The following PDE4D variants were observed in gnomAD, a reference collection of about 807,000 sequenced individuals.
PDE4D encodes the protein 3',5'-cyclic-AMP phosphodiesterase 4D.
PDE4D carries 24 observed loss-of-function variants against 87.4 expected under a neutral mutation model. That is an observed-to-expected ratio of 0.27 (90% CI 0.20 to 0.39). PDE4D has a LOEUF of 0.39. PDE4D is among the 10% of genes least tolerant of loss of function. PDE4D has a pLI of 1.00. For missense variants in PDE4D, 714 were observed against 1,041.0 expected (o/e 0.69, Z 4.32); for synonymous variants, 384 against 383.2 (o/e 1.00, Z -0.02).
At chr5:59,891,787 T>TCACACACACACACA (rs55796463) in intron 1 of PDE4D, among the ~76,000 whole-genome samples, 4 of 150,376 alleles carry the variant, frequency 2.7e-5, no homozygotes, top group East Asian at 2.0e-4. Flanking sequence ...AGAGACATGC[T>TCACACACACACACA]CACACACACA....
intron 1 of PDE4D, among the ~76,000 whole-genome samples, chr5:59,624,879 C>A (rs1049975908): frequency 6.6e-6 from 1 of 152,114 alleles, no homozygotes; most frequent in Admixed American, 6.6e-5. Flanking sequence ...CATTTAAATA[C>A]AAGATGATCA....
chr5:59,838,621 T>C (rs879556834), intron 1 of PDE4D, among the ~76,000 whole-genome samples: 2 of 152,098 alleles, frequency 1.3e-5, no homozygotes, highest in Non-Finnish European at 2.9e-5. Context: ...ACACTTTTTT[T>C]CCATGACCCT....
At chr5:59,551,990 C>T (rs933882017) in intron 1 of PDE4D, among the ~76,000 whole-genome samples, 5 of 152,088 alleles carry the variant, frequency 3.3e-5, no homozygotes, top group Admixed American at 1.3e-4. Flanking sequence ...TCAACACAGG[C>T]GGATTGCTTG....
chr5:59,567,879 T>A (rs1387495167), intron 1 of PDE4D, among the ~76,000 whole-genome samples: 1 of 152,194 alleles, frequency 6.6e-6, no homozygotes, highest in Non-Finnish European at 1.5e-5. Context: ...CTATCTATCA[T>A]CTATCTATTT....
chr5:60,148,014 C>T, intron 2 of PDE4D: 1 of 248,290 alleles, frequency 4.0e-6, no homozygotes, highest in Non-Finnish European at 8.3e-6. Flanking sequence ...AAGGAGATGA[C>T]CCAAAAATCT....
At chr5:59,702,420 C>G (rs1752714973) in intron 1 of PDE4D, among the ~76,000 whole-genome samples, 1 of 152,134 alleles carries the variant, frequency 6.6e-6, no homozygotes, top group Admixed American at 6.5e-5. Context: ...GCCACTGCGC[C>G]TGGCCAATTA....
intron 1 of PDE4D, among the ~76,000 whole-genome samples, chr5:59,628,198 ACACCCAATAC>A (rs1831130292): frequency 6.6e-6 from 1 of 152,220 alleles, no homozygotes; most frequent in Admixed American, 6.5e-5. Context: ...TGCTTGCAAT[ACACCCAATAC>A]ACCTGGTACC....
chr5:60,307,924 C>G (rs1754651493), intron 1 of PDE4D, among the ~76,000 whole-genome samples: 1 of 152,060 alleles, frequency 6.6e-6, no homozygotes, highest in African/African-American at 2.4e-5. Context: ...ACCTGTAATC[C>G]AAGCTACTCG....
chr5:60,047,733 T>C (rs951817360), intron 2 of PDE4D, among the ~76,000 whole-genome samples: 2 of 152,136 alleles, frequency 1.3e-5, no homozygotes, highest in Non-Finnish European at 2.9e-5. Context: ...GTCTGAGAGA[T>C]AGTTTGTTAT....
At chr5:59,892,896 C>CCACACACACACA (rs70975348) in intron 1 of PDE4D, among the ~76,000 whole-genome samples, 25 of 143,974 alleles carry the variant, frequency 1.7e-4, no homozygotes, top group East Asian at 4.2e-4. Flanking sequence ...AGCGCGCGCA[C>CCACACACACACA]CACACACACA....
intron 1 of PDE4D, among the ~76,000 whole-genome samples, chr5:59,865,826 G>C (rs576649006): frequency 1.3e-5 from 2 of 152,260 alleles, no homozygotes; most frequent in African/African-American, 4.8e-5. Flanking sequence ...TATTACCACT[G>C]ATGAGGAAAC....
intron 1 of PDE4D, among the ~76,000 whole-genome samples, chr5:59,559,620 A>G (rs1162219093): frequency 6.6e-6 from 1 of 152,162 alleles, no homozygotes; most frequent in Non-Finnish European, 1.5e-5. Context: ...TATAACCTCA[A>G]AAGTCAGCTA....
chr5:60,315,444 G>C (rs57515063), intron 1 of PDE4D, among the ~76,000 whole-genome samples: 9,186 of 152,030 alleles, frequency 0.06, 913 homozygotes, highest in African/African-American at 0.21. Context: ...GTTGCCTGTT[G>C]ACTCTGATGG....
At chr5:60,328,351 C>T (rs1756993349) in intron 1 of PDE4D, among the ~76,000 whole-genome samples, 1 of 152,114 alleles carries the variant, frequency 6.6e-6, no homozygotes, top group Non-Finnish European at 1.5e-5. Context: ...TTATTATCTC[C>T]CAAATGGCAA....
chr5:59,979,283 G>A (rs1761660249), intron 3 of PDE4D, among the ~76,000 whole-genome samples: 1 of 151,792 alleles, frequency 6.6e-6, no homozygotes, highest in Admixed American at 6.6e-5. Flanking sequence ...GTTCTAGAAA[G>A]TGAATGGTAA....
intron 1 of PDE4D, among the ~76,000 whole-genome samples, chr5:59,479,064 T>C (rs551304040): frequency 6.6e-6 from 1 of 152,214 alleles, no homozygotes; most frequent in Admixed American, 6.6e-5. Context: ...CAAAAAAGCA[T>C]TGTTAACATG....
chr5:59,472,532 T>C (rs183696059), intron 1 of PDE4D, among the ~76,000 whole-genome samples: 2 of 152,314 alleles, frequency 1.3e-5, no homozygotes, highest in Admixed American at 1.3e-4. Context: ...CCTATCCATG[T>C]CATTCATCTC....
intron 6 of PDE4D, among the ~76,000 whole-genome samples, chr5:58,996,931 T>C (rs1430048663): frequency 2.0e-5 from 3 of 152,132 alleles, no homozygotes; most frequent in Admixed American, 1.3e-4. Context: ...CCCAGAGTAC[T>C]TTCCAGCCTT....
At chr5:60,390,452 C>G (rs1322968402) in intron 1 of PDE4D, among the ~76,000 whole-genome samples, 3 of 152,198 alleles carry the variant, frequency 2.0e-5, no homozygotes, top group African/African-American at 7.2e-5. Flanking sequence ...AAGAGGTATT[C>G]AACATTCAAG....
Sources: gnomAD v4.1 joint callset for allele counts (sites outside exome capture counted in the v4.1 genomes callset) on GRCh38, gnomAD v4.1.1 for gene constraint, MANE v1.5 for transcripts, NCBI Gene and HGNC (gene_info 2026-07-23, HGNC 2026-07-21) for gene names.